Variants in TBC1D5 observed in about 807,000 individuals in gnomAD.
TBC1D5 encodes TBC1 domain family member 5, also known as TBC1 domain family, member 5.
In TBC1D5, 75 loss-of-function variants were observed where a neutral mutation model predicts 100.3. The observed-to-expected ratio is 0.75, with a 90% CI of 0.62 to 0.91. The LOEUF (loss-of-function observed/expected upper bound fraction) is 0.91. Ranked by LOEUF, TBC1D5 falls within the 40% of genes least tolerant of loss-of-function variation. The pLI, the probability that TBC1D5 is intolerant of heterozygous loss-of-function variation, is 0.00. For missense variants in TBC1D5, 910 were observed against 942.4 expected (o/e 0.97, Z 0.45); for synonymous variants, 323 against 325.6 (o/e 0.99, Z 0.09).
At chr3:17,633,855 G>T (rs192641640) in intron 1 of TBC1D5, among the ~76,000 whole-genome samples, 1 of 151,984 alleles carries the variant, frequency 6.6e-6, no homozygotes, top group Non-Finnish European at 1.5e-5. Flanking sequence ...TCCAAATTTC[G>T]TGTTTTACTA....
chr3:17,600,527 T>C (rs932061434), intron 2 of TBC1D5, among the ~76,000 whole-genome samples: 1 of 152,198 alleles, frequency 6.6e-6, no homozygotes, highest in Non-Finnish European at 1.5e-5. Context: ...TACTATGGTC[T>C]CATCGCAGTA....
At chr3:17,372,188 T>C (rs761859068) in exon 13 of TBC1D5, 2 of 1,613,764 alleles carry the variant, frequency 1.2e-6, no homozygotes, top group Non-Finnish European at 1.7e-6. Flanking sequence ...CAATAGCAAT[T>C]GTTGGCCCTA....
At chr3:17,490,253 A>G (rs1275136778) in intron 3 of TBC1D5, among the ~76,000 whole-genome samples, 5 of 152,178 alleles carry the variant, frequency 3.3e-5, no homozygotes, top group Admixed American at 2.6e-4. Context: ...GACCTTTGTC[A>G]GATGGAGATA....
intron 15 of TBC1D5, among the ~76,000 whole-genome samples, chr3:17,271,254 T>C (rs941411403): frequency 4.6e-5 from 7 of 152,206 alleles, no homozygotes; most frequent in African/African-American, 1.7e-4. Context: ...TAGCCTGGAA[T>C]GTTTTTCCAT....
chr3:17,291,938 A>G, exon 15 of TBC1D5: 1 of 1,613,988 alleles, frequency 6.2e-7, no homozygotes, highest in Non-Finnish European at 8.5e-7. Flanking sequence ...CAGTGAGTGT[A>G]CATCCCCGAT....
exon 1 of TBC1D5, chr3:17,740,481 T>C (rs551093718): frequency 6.6e-6 from 1 of 152,318 alleles, no homozygotes; most frequent in African/African-American, 2.4e-5. Flanking sequence ...CAAAGTTATT[T>C]AGAAGTACAA....
intron 14 of TBC1D5, among the ~76,000 whole-genome samples, chr3:17,300,961 C>T (rs1179580546): frequency 6.6e-6 from 1 of 150,888 alleles, no homozygotes; most frequent in East Asian, 2.0e-4. Context: ...AATCCAGCTA[C>T]TTGGGAGGCT....
intron 3 of TBC1D5, among the ~76,000 whole-genome samples, chr3:17,445,296 G>C (rs2094761926): frequency 1.3e-5 from 2 of 151,762 alleles, no homozygotes; most frequent in Admixed American, 1.3e-4. Context: ...GGACAAAAAA[G>C]GTTTATACAT....
chr3:17,398,389 A>G (rs1048665617), intron 8 of TBC1D5, among the ~76,000 whole-genome samples: 94 of 152,186 alleles, frequency 6.2e-4, no homozygotes, highest in African/African-American at 2.2e-3. Flanking sequence ...ACGTATCCAG[A>G]TCAAATAAAT....
chr3:17,550,168 T>A (rs1012157967), intron 2 of TBC1D5, among the ~76,000 whole-genome samples: 4 of 152,116 alleles, frequency 2.6e-5, no homozygotes, highest in African/African-American at 9.7e-5. Context: ...TACATTGTTA[T>A]CAAATCAAAC....
At chr3:17,233,531 T>G (rs1211422786) in intron 17 of TBC1D5, among the ~76,000 whole-genome samples, 154 bp downstream of exon 18, 1 of 152,186 alleles carries the variant, frequency 6.6e-6, no homozygotes, top group Admixed American at 6.5e-5. Flanking sequence ...ACTTTTGTTC[T>G]TAACAATAGT....
In TBC1D5 at chr3:17,657,338, T is replaced by C. The variant is rs929011054; in HGVS notation, c.-100-33425A>G. Reference sequence around the variant, plus strand: ...AATGGACAAATTCTTTCTTTTTTTTTTTTTTTTTTTTGCGGGGGGACAGAG... The same window carrying C: ...AATGGACAAATTCTTTCTTTTTTTTCTTTTTTTTTTTGCGGGGGGACAGAG... On this transcript the variant is annotated intron_variant, in intron 1 of 21. Transcript: ENST00000253692. Among the ~76,000 whole-genome samples, 73 of 149,404 alleles carry C rather than the reference T, an allele frequency of 4.9e-4. 1 individual carries two copies. Among genetic ancestry groups the C allele is most frequent in the African/African-American group, 1.7e-3 (71 of 40,710 alleles).
At position 17,612,446 on chromosome 3, in the gene TBC1D5, A is replaced by G. The variant is rs575025848; in HGVS notation, c.-36+11403T>C. On this transcript the variant is annotated intron_variant, in intron 2 of 21. Coordinates refer to ENST00000253692, the Ensembl canonical transcript of TBC1D5. ...AGTTCGAGACCAGCCTGGCCAACAAAGAGAAACCCCGTCTATACTAAAAAA... is the reference window on the plus strand; with the variant it reads ...AGTTCGAGACCAGCCTGGCCAACAAGGAGAAACCCCGTCTATACTAAAAAA... Among the ~76,000 whole-genome samples, 3 of 152,158 alleles carry G rather than the reference A, an allele frequency of 2.0e-5. No individual in the cohort carries two copies. In the East Asian group the frequency reaches 5.8e-4, roughly 29 times the overall value.
intron 3 of TBC1D5, among the ~76,000 whole-genome samples, chr3:17,497,436 A>G (rs181541368): frequency 2.6e-5 from 4 of 152,384 alleles, no homozygotes; most frequent in South Asian, 4.1e-4. Context: ...ATATGTTTGT[A>G]TAAATGAATG....
At chr3:17,657,109 T>A (rs2066147396) in intron 1 of TBC1D5, among the ~76,000 whole-genome samples, 1 of 152,078 alleles carries the variant, frequency 6.6e-6, no homozygotes, top group African/African-American at 2.4e-5. Flanking sequence ...GTCTATCTTT[T>A]AATCACTATT....
At chr3:17,480,926 A>T (rs2095494257) in intron 3 of TBC1D5, among the ~76,000 whole-genome samples, 1 of 152,212 alleles carries the variant, frequency 6.6e-6, no homozygotes, top group African/African-American at 2.4e-5. Context: ...AAATGGCAAG[A>T]CTAAAAGAGC....
chr3:17,579,972 T>C (rs567508989), intron 2 of TBC1D5, among the ~76,000 whole-genome samples: 1 of 152,264 alleles, frequency 6.6e-6, no homozygotes, highest in African/African-American at 2.4e-5. Context: ...CCGGGGCTGA[T>C]GTGACCAGGA....
chr3:17,356,277 G>C (rs1313043663), intron 13 of TBC1D5, among the ~76,000 whole-genome samples: 1 of 152,170 alleles, frequency 6.6e-6, no homozygotes, highest in Non-Finnish European at 1.5e-5. Flanking sequence ...CAGGGTGAAA[G>C]CATGCTCACC....
intron 2 of TBC1D5, among the ~76,000 whole-genome samples, chr3:17,577,150 C>T (rs1055795256): frequency 6.6e-6 from 1 of 151,890 alleles, no homozygotes; most frequent in Non-Finnish European, 1.5e-5. Context: ...CTACAGTAAG[C>T]CCTCTATCAC....
Sources: gnomAD v4.1 joint callset for allele counts (sites outside exome capture counted in the v4.1 genomes callset) on GRCh38, gnomAD v4.1.1 for gene constraint, MANE v1.5 for transcripts, NCBI Gene and HGNC (gene_info 2026-07-23, HGNC 2026-07-21) for gene names.